Variants in IKBKE observed in about 807,000 individuals in gnomAD.
The protein encoded by IKBKE is inhibitor of nuclear factor kappa-B kinase subunit epsilon.
Under a neutral mutation model 92.1 loss-of-function variants are expected in IKBKE, and 45 were observed. The ratio of observed to expected loss-of-function variants is 0.49; its 90% CI spans 0.38 to 0.63. The LOEUF is 0.63. Among genes scored for constraint, IKBKE ranks in the 20% least tolerant of loss-of-function variants. IKBKE has a pLI of 0.00. For missense variants in IKBKE, 700 were observed against 932.8 expected (o/e 0.75, Z 3.25); for synonymous variants, 374 against 380.3 (o/e 0.98, Z 0.19).
intron 17 of IKBKE, 31 bp from the exon 18 acceptor site, chr1:206,491,617 T>C (rs782805754): frequency 1.3e-6 from 2 of 1,503,250 alleles, no homozygotes; most frequent in Non-Finnish European, 1.9e-6. Flanking sequence ...TTCTGGCAGC[T>C]CATCTGCACC....
chr1:206,472,299 C>T (rs1220320635), intron 2 of IKBKE, among the ~76,000 whole-genome samples: 3 of 152,004 alleles, frequency 2.0e-5, no homozygotes, highest in Non-Finnish European at 4.4e-5. Context: ...AGGATGGTGG[C>T]CCTTCTAATG....
chr1:206,477,956 C>A, intron 8 of IKBKE, 97 bp downstream of exon 8: 2 of 960,596 alleles, frequency 2.1e-6, no homozygotes, highest in Admixed American at 2.3e-5. Flanking sequence ...CCAGCAGGTT[C>A]CGGGCATGCT....
Position 206,493,339 on chromosome 1 carries a change from C to A in IKBKE, c.2006C>A (p.Ala669Asp), listed in dbSNP as rs782290831. The A allele has an allele frequency of 1.2e-6, 2 of 1,614,004 alleles. No homozygotes were observed. Among genetic ancestry groups the A allele is most frequent in the Admixed American group, 1.7e-5 (1 of 60,018 alleles). Reference sequence around the variant, plus strand: ...GCTCAGGCCTCGCCGCCTCCCATAGCTCCTTACCCCAGCCCTACACGAAAG... The same window carrying A: ...GCTCAGGCCTCGCCGCCTCCCATAGATCCTTACCCCAGCCCTACACGAAAG... ...KGAQASPPPI[A>D]PYPSPTRKDL... Residue 669 changes from alanine to aspartate, a missense_variant, in exon 20 of 22, where the codon GCT becomes GAT. Transcript: ENST00000581977.
rs757730555 is a variant in IKBKE, at chr1:206,485,446, G to A, written c.1616+140G>A. On this transcript the variant is annotated intron_variant, in intron 15 of 21. Coordinates refer to ENST00000581977, the MANE Select transcript of IKBKE (RefSeq NM_014002.4). This position sits in a 1 kb window ranked among gnomAD's most constrained non-coding sequence, Gnocchi z 5.0. ...GGTGCTAGGGCATGGGGGAGTAGAG[G>A]GAGATCCAGCAATAAACAAGAACCC... 2.6e-5 allele frequency: 16 copies of A among 619,662 alleles called. No individual in the cohort carries two copies. The highest frequency in any genetic ancestry group is 4.4e-5 in the Non-Finnish European group (15 of 342,486). The allele number at this position is 619,662 out of a possible 1,614,324, so 38.4% of individuals were successfully genotyped here. A position where few individuals can be genotyped will look rare whatever the true frequency, so the allele number is the denominator to read the frequency against.
chr1:206,475,378 G>A (rs1347936153), intron 5 of IKBKE, among the ~76,000 whole-genome samples: 2 of 152,196 alleles, frequency 1.3e-5, no homozygotes, highest in Admixed American at 6.5e-5. Flanking sequence ...AAAGTACCAT[G>A]GTGGTTTCCA....
chr1:206,494,986 T>TAAAAA (rs33957066), intron 21 of IKBKE, among the ~76,000 whole-genome samples: 3 of 108,938 alleles, frequency 2.8e-5, no homozygotes, highest in Non-Finnish European at 3.8e-5. Context: ...ACATTTGAAG[T>TAAAAA]AAAAAAAAAA....
Position 206,474,427 on chromosome 1 carries a change from C to T in IKBKE, c.184C>T (p.Leu62=), listed in dbSNP as rs2103449451. The T allele has an allele frequency of 6.2e-7, 1 of 1,614,156 alleles. No individual in the cohort carries two copies. Among genetic ancestry groups the T allele is most frequent in the Non-Finnish European group, 8.5e-7 (1 of 1,179,982 alleles). The part of the protein sequence containing the change: ...QVREFEVLRK[L]NHQNIVKLFA... Reference sequence around the variant, plus strand: ...GAGGGAGTTTGAGGTCCTGCGGAAGCTGAACCACCAGAACATTGTCAAGCT... The same window carrying T: ...GAGGGAGTTTGAGGTCCTGCGGAAGTTGAACCACCAGAACATTGTCAAGCT... Residue 62 remains leucine (L), a synonymous_variant, in exon 4 of 22, where the codon CTG becomes TTG. Coordinates refer to ENST00000581977, the MANE Select transcript of IKBKE (RefSeq NM_014002.4).
Position 206,478,970 on chromosome 1 carries a change from C to T in IKBKE, c.1020C>T (p.His340=), listed in dbSNP as rs1553386239. The change falls in exon 10 of 22, where the codon CAC becomes CAT. Residue 340 remains histidine (H), a synonymous_variant. Coordinates refer to ENST00000581977, the MANE Select transcript of IKBKE (RefSeq NM_014002.4). The surrounding 1 kb of genome is among the most constrained non-coding windows in gnomAD (Gnocchi z 4.8). The part of the protein sequence containing the change: ...NTIAIFQEAV[H]KQTSVAPRHQ... ...TAGCCATTTTCCAGGAGGCCGTGCA[C>T]AAGCAGACCAGTGTGGCCCCCCGAC... The T allele has an allele frequency of 1.2e-6, 2 of 1,614,134 alleles. No homozygotes were observed. Among genetic ancestry groups the T allele is most frequent in the South Asian group, 1.1e-5 (1 of 91,086 alleles).
intron 16 of IKBKE, among the ~76,000 whole-genome samples, chr1:206,489,389 A>C (rs1665830060): frequency 7.0e-6 from 1 of 143,546 alleles, no homozygotes; most frequent in African/African-American, 2.7e-5. Context: ...ATATATATAT[A>C]TATATATATA....
chr1:206,484,877 G>C (rs190410368), intron 13 of IKBKE, 120 bp from the exon 14 acceptor site: 2 of 778,778 alleles, frequency 2.6e-6, no homozygotes, highest in East Asian at 5.1e-5. Context: ...CAGAGACCCG[G>C]AGAGCCACCA....
chr1:206,491,003 G>A (rs782098583), intron 17 of IKBKE, 145 bp downstream of exon 17: 4 of 734,872 alleles, frequency 5.4e-6, no homozygotes, highest in Non-Finnish European at 9.6e-6. Context: ...GGTTATCTGG[G>A]GCCAGGGGAG....
In IKBKE at chr1:206,491,634, C is replaced by T. The variant is rs2103483089; in HGVS notation, c.1734-14C>T. 6.2e-7 allele frequency: 1 copy of T among 1,600,946 alleles called. No homozygotes were observed. Among genetic ancestry groups the T allele is most frequent in the Non-Finnish European group, 8.6e-7 (1 of 1,168,690 alleles). On this transcript the variant is annotated splice_polypyrimidine_tract_variant and intron_variant, in intron 17 of 21. Transcript: ENST00000581977. The stretch of plus-strand genomic sequence containing the variant: ...CTGGCAGCTCATCTGCACCTTGGTT[C>T]TCTGTCGTTCTAGGGTGAATTTCAG...
chr1:206,495,598 A>G (rs1014023182), intron 21 of IKBKE, among the ~76,000 whole-genome samples: 3 of 152,210 alleles, frequency 2.0e-5, no homozygotes, highest in Non-Finnish European at 2.9e-5. Flanking sequence ...AACACCCACA[A>G]AGAGGACATT....
At chr1:206,491,263 G>A (rs1665938538) in intron 17 of IKBKE, 1 of 364,248 alleles carries the variant, frequency 2.7e-6, no homozygotes, top group Non-Finnish European at 5.2e-6. Context: ...ATGGTTATCT[G>A]GGAACTCACT....
At position 206,477,803 on chromosome 1, in the gene IKBKE, G is replaced by A; in HGVS notation, c.756G>A (p.Arg252=). The A allele has an allele frequency of 1.3e-6, 2 of 1,564,688 alleles. No homozygotes were observed. The highest frequency in any genetic ancestry group is 1.2e-5 in the South Asian group (1 of 85,064). Residue 252 remains arginine (R), a synonymous_variant, in exon 8 of 22, where the codon CGG becomes CGA. Transcript: ENST00000581977. ...PAGAIAGAQR[R]ENGPLEWSYT... ...GGGCCATTGCAGGTGCCCAGAGGCG[G>A]GAGAACGGGCCCCTGGAGTGGAGCT...
intron 7 of IKBKE, 31 bp from the exon 8 acceptor site, chr1:206,477,718 G>A (rs781957398): frequency 8.1e-6 from 11 of 1,355,666 alleles, no homozygotes; most frequent in African/African-American, 1.4e-5. Flanking sequence ...GATAGCTGGG[G>A]ATCCCGCTGA....
intron 21 of IKBKE, among the ~76,000 whole-genome samples, chr1:206,495,387 G>A (rs782523784): frequency 5.9e-5 from 9 of 152,204 alleles, no homozygotes; most frequent in Non-Finnish European, 1.0e-4. Context: ...AGGTGCTTGC[G>A]CATAGGGGGG....
At chr1:206,475,279 T>A in intron 5 of IKBKE, 1 of 476,556 alleles carries the variant, frequency 2.1e-6, no homozygotes. Context: ...ACAACATGGA[T>A]GGACCTTGAT....
intron 4 of IKBKE, 108 bp from the exon 5 acceptor site, chr1:206,474,757 C>T (rs781882630): frequency 7.3e-7 from 1 of 1,361,976 alleles, no homozygotes; most frequent in Non-Finnish European, 1.0e-6. Flanking sequence ...AGGCCAGAAG[C>T]TGGGACCTGG....
Sources: allele counts gnomAD v4.1 joint callset (sites outside exome capture counted in the v4.1 genomes callset), GRCh38; gene constraint gnomAD v4.1.1; non-coding constraint Gnocchi (gnomAD v3.1); transcripts MANE v1.5; gene names NCBI Gene and HGNC (gene_info 2026-07-23, HGNC 2026-07-21).